SLC38A12: variants seen among roughly 807,000 people sequenced by gnomAD.
The protein encoded by SLC38A12 is solute carrier family 38 member 12.
chr17:74,801,169 T>C, the SLC38A12 span, among the ~76,000 whole-genome samples: 1 of 152,224 alleles, frequency 6.6e-6, no homozygotes, highest in Non-Finnish European at 1.5e-5. Context: ...TCTTCTCTCC[T>C]TTCCTTTTCT....
chr17:74,788,332 A>T, the SLC38A12 span, among the ~76,000 whole-genome samples: 1 of 152,334 alleles, frequency 6.6e-6, no homozygotes, highest in African/African-American at 2.4e-5. Flanking sequence ...CCGTGAGTGT[A>T]TGTAATTGGG....
the SLC38A12 span, chr17:74,838,967 G>C: frequency 6.5e-7 from 1 of 1,535,720 alleles, no homozygotes; most frequent in Non-Finnish European, 8.7e-7. Context: ...TCGTTGTGGA[G>C]GAAAGCTTAA....
At chr17:74,832,035 T>C in the SLC38A12 span, among the ~76,000 whole-genome samples, 1 of 152,234 alleles carries the variant, frequency 6.6e-6, no homozygotes, top group East Asian at 1.9e-4. Context: ...TGTTGAACTT[T>C]GCTCCTCCCG....
chr17:74,804,271 G>C, the SLC38A12 span, among the ~76,000 whole-genome samples: 4 of 152,280 alleles, frequency 2.6e-5, no homozygotes, highest in African/African-American at 9.6e-5. Flanking sequence ...TCACTCAAAA[G>C]TAATAGCCGT....
At chr17:74,792,226 G>A in the SLC38A12 span, among the ~76,000 whole-genome samples, 2 of 152,148 alleles carry the variant, frequency 1.3e-5, no homozygotes, top group South Asian at 2.1e-4. Flanking sequence ...CGAGGCAGGC[G>A]GATCACTTGA....
chr17:74,795,986 A>G, the SLC38A12 span, among the ~76,000 whole-genome samples: 2 of 152,154 alleles, frequency 1.3e-5, no homozygotes, highest in Admixed American at 6.5e-5. Flanking sequence ...GAAACTTTCC[A>G]TATTTTGACC....
At chr17:74,833,436 G>A in the SLC38A12 span, among the ~76,000 whole-genome samples, 2 of 152,194 alleles carry the variant, frequency 1.3e-5, no homozygotes, top group African/African-American at 4.8e-5. Flanking sequence ...ATGTTTCAGG[G>A]GTGTATGTGT....
the SLC38A12 span, among the ~76,000 whole-genome samples, chr17:74,824,358 C>T: frequency 4.6e-5 from 7 of 152,176 alleles, no homozygotes; most frequent in African/African-American, 1.7e-4. Flanking sequence ...TGAGGGGAGA[C>T]GCAGCACAGA....
chr17:74,787,967 T>C, the SLC38A12 span, among the ~76,000 whole-genome samples: 1 of 152,062 alleles, frequency 6.6e-6, no homozygotes. Context: ...CTAATTTTTT[T>C]GTATTTTTAG....
the SLC38A12 span, among the ~76,000 whole-genome samples, chr17:74,825,006 C>T: frequency 6.6e-6 from 1 of 152,288 alleles, no homozygotes; most frequent in East Asian, 1.9e-4. Flanking sequence ...AGTGGGACTG[C>T]GCTGATCCAT....
the SLC38A12 span, chr17:74,794,974 C>CTT: frequency 6.4e-7 from 1 of 1,551,696 alleles, no homozygotes. Flanking sequence ...GCAGACATCT[C>CTT]TTTGTGGCTC....
At chr17:74,811,122 GAGTTTGAAAC>G in the SLC38A12 span, among the ~76,000 whole-genome samples, 5 of 152,164 alleles carry the variant, frequency 3.3e-5, no homozygotes, top group African/African-American at 1.2e-4. Flanking sequence ...TTGAGCTCAG[GAGTTTGAAAC>G]CAGCCTGGGC....
the SLC38A12 span, chr17:74,839,323 G>C: frequency 7.8e-6 from 6 of 771,548 alleles, no homozygotes; most frequent in Non-Finnish European, 1.2e-5. Flanking sequence ...AGTCAGAGTG[G>C]TGGGGAGGAC....
At chr17:74,839,029 C>T in the SLC38A12 span, 33 of 1,535,632 alleles carry the variant, frequency 2.1e-5, no homozygotes, top group Admixed American at 7.8e-5. Flanking sequence ...CAGATGCCCC[C>T]GGTGCAGGCC....
the SLC38A12 span, among the ~76,000 whole-genome samples, chr17:74,787,814 G>A: frequency 1.7e-4 from 24 of 140,422 alleles, no homozygotes; most frequent in Admixed American, 1.5e-3. Context: ...TTTTTTTTGA[G>A]ACAGAATCTC....
At chr17:74,819,810 C>T in the SLC38A12 span, 1 of 1,614,110 alleles carries the variant, frequency 6.2e-7, no homozygotes, top group Non-Finnish European at 8.5e-7. Context: ...GACCAAGTAC[C>T]TGCAGATCCT....
chr17:74,839,027 C>T, the SLC38A12 span: 2 of 1,535,732 alleles, frequency 1.3e-6, no homozygotes, highest in Non-Finnish European at 1.7e-6. Flanking sequence ...CCCAGATGCC[C>T]CCGGTGCAGG....
chr17:74,837,297 A>T, the SLC38A12 span: 1 of 985,530 alleles, frequency 1.0e-6, no homozygotes. Context: ...CTGGTACCAG[A>T]GTCCCCAGAT....
the SLC38A12 span, among the ~76,000 whole-genome samples, chr17:74,819,313 T>G: frequency 6.6e-6 from 1 of 152,362 alleles, no homozygotes; most frequent in South Asian, 2.1e-4. Flanking sequence ...CCCCACTGTG[T>G]CCTTTCTTCG....
Sources: gnomAD v4.1 joint callset for allele counts (sites outside exome capture counted in the v4.1 genomes callset) on GRCh38, gnomAD v4.1.1 for gene constraint, MANE v1.5 for transcripts, NCBI Gene and HGNC (gene_info 2026-07-23, HGNC 2026-07-21) for gene names.